CTNND2: variants seen among roughly 807,000 people sequenced by gnomAD.
CTNND2 encodes catenin delta-2.
A neutral mutation model predicts 144.4 loss-of-function variants in CTNND2; 22 were observed. That is an observed-to-expected ratio of 0.15 (90% CI 0.11 to 0.22). CTNND2 has a LOEUF of 0.22. CTNND2 is among the 10% of genes least tolerant of loss of function. The pLI, the probability that CTNND2 is intolerant of heterozygous loss-of-function variation, is 1.00. For synonymous variants in CTNND2, 751 were observed against 695.6 expected, an observed-to-expected ratio of 1.08 and a Z score of -1.25; for missense variants, 1,353 against 1,618.8, an observed-to-expected ratio of 0.84 and a Z score of 2.82.
chr5:11,670,770 T>C (rs1299741848), intron 2 of CTNND2, among the ~76,000 whole-genome samples: 2 of 152,224 alleles, frequency 1.3e-5, no homozygotes, highest in African/African-American at 4.8e-5. Flanking sequence ...ATTTATCTCG[T>C]TTATATTTAA....
chr5:11,228,376 A>AC (rs1243579180), intron 10 of CTNND2, among the ~76,000 whole-genome samples: 1 of 150,452 alleles, frequency 6.6e-6, no homozygotes, highest in East Asian at 2.0e-4. Flanking sequence ...AAAAAAAAAA[A>AC]AAACAAAGAA....
chr5:11,364,741 C>T lies in CTNND2; in HGVS notation c.1327G>A (p.Asp443Asn), dbSNP rs1756799115. Reference sequence around the variant, plus strand: ...CCGGTGTGTGCTGGCGGCAGAGGGTCCCCCTGGCTCTGGCTGAGACTCCTC... The same window carrying T: ...CCGGTGTGTGCTGGCGGCAGAGGGTTCCCCTGGCTCTGGCTGAGACTCCTC... ...PMRSLSQSQG[D>N]PLPPAHTGTY... Residue 443 changes from aspartate (D) to asparagine (N), a missense_variant, in exon 8 of 22, where the codon GAC becomes AAC. This residue lies in a region of CTNND2 where 708 missense variants were observed against 706.4 expected (regional missense o/e 1.00). Transcript: ENST00000304623. 6 of 1,613,526 alleles carry T rather than the reference C, an allele frequency of 3.7e-6. No individual in the cohort carries two copies. The highest frequency in any genetic ancestry group is 1.3e-5 in the African/African-American group (1 of 74,876).
In CTNND2 at chr5:11,779,637, A is replaced by G. The variant is rs147130677; in HGVS notation, c.38-47365T>C. Among the ~76,000 whole-genome samples, 17 of 152,296 alleles carry G rather than the reference A, an allele frequency of 1.1e-4. 1 individual carries two copies. The East Asian group carries it at 2.1e-3, about 19-fold the overall frequency. ...GTATTACAGCTTCTCCTGCACTTCA[A>G]ATATCTACCTTGGTTATATGAGGAG... On this transcript the variant is annotated intron_variant, in intron 1 of 21. Transcript: ENST00000304623.
chr5:11,738,472 T>C (rs1787822601), intron 1 of CTNND2, among the ~76,000 whole-genome samples: 1 of 152,174 alleles, frequency 6.6e-6, no homozygotes, highest in Non-Finnish European at 1.5e-5. Flanking sequence ...TAAATTTACA[T>C]TACACTTGGC....
At chr5:11,521,164 A>G (rs1487612102) in intron 3 of CTNND2, among the ~76,000 whole-genome samples, 1 of 152,178 alleles carries the variant, frequency 6.6e-6, no homozygotes, top group African/African-American at 2.4e-5. Context: ...AAATGACACT[A>G]AGTTTTTGTT....
In CTNND2 at chr5:10,988,049, T is replaced by C; in HGVS notation, c.3343+62A>G. On this transcript the variant is annotated intron_variant, in intron 20 of 21. Coordinates refer to ENST00000304623, the MANE Select transcript of CTNND2 (RefSeq NM_001332.4). The surrounding 1 kb of genome is among the most constrained non-coding windows in gnomAD (Gnocchi z 5.9). ...GCCCCGTGAAGCCTGATGTCCCATA[T>C]CTCTGCCTTGTCGCGGGTCAAGCCA... 4 of 1,606,786 alleles carry C rather than the reference T, an allele frequency of 2.5e-6. No individual in the cohort carries two copies. The highest frequency in any genetic ancestry group is 3.4e-6 in the Non-Finnish European group (4 of 1,176,320).
At chr5:11,117,365 T>C in intron 13 of CTNND2, 85 bp downstream of exon 13, 1 of 999,302 alleles carries the variant, frequency 1.0e-6, no homozygotes, top group Non-Finnish European at 1.6e-6. Context: ...AATACTGCAT[T>C]GGCTCTCCAG....
At chr5:11,225,250 C>T (rs1195703618) in intron 10 of CTNND2, among the ~76,000 whole-genome samples, 1 of 152,212 alleles carries the variant, frequency 6.6e-6, no homozygotes, top group Admixed American at 6.5e-5. Context: ...GCCACCTCTA[C>T]CAATGATAAT....
At chr5:11,004,905 G>C (rs1740326782) in intron 18 of CTNND2, among the ~76,000 whole-genome samples, 1 of 152,122 alleles carries the variant, frequency 6.6e-6, no homozygotes, top group Non-Finnish European at 1.5e-5. Flanking sequence ...TTAGTAAGTA[G>C]CTAGCACCAT....
chr5:11,078,583 T>C (rs1205061316), intron 16 of CTNND2, among the ~76,000 whole-genome samples: 4 of 152,050 alleles, frequency 2.6e-5, no homozygotes, highest in African/African-American at 9.7e-5. Flanking sequence ...GTCAAACCAA[T>C]CAATAGTTCA....
intron 9 of CTNND2, among the ~76,000 whole-genome samples, chr5:11,266,824 G>A (rs1745484707): frequency 6.6e-6 from 1 of 152,122 alleles, no homozygotes; most frequent in African/African-American, 2.4e-5. Context: ...ACTCTTCCAG[G>A]GAGATACAAA....
chr5:11,151,963 C>T (rs943902323), intron 12 of CTNND2, among the ~76,000 whole-genome samples: 1 of 152,034 alleles, frequency 6.6e-6, no homozygotes, highest in Non-Finnish European at 1.5e-5. Flanking sequence ...GAAGCTTTTT[C>T]GAACTTTTCC....
At chr5:11,623,449 T>C (rs1300492775) in intron 2 of CTNND2, among the ~76,000 whole-genome samples, 1 of 151,974 alleles carries the variant, frequency 6.6e-6, no homozygotes, top group Non-Finnish European at 1.5e-5. Flanking sequence ...CCGTGTAAGA[T>C]GTGCCTTTTG....
At chr5:11,508,680 G>A (rs995641210) in intron 3 of CTNND2, among the ~76,000 whole-genome samples, 4 of 152,168 alleles carry the variant, frequency 2.6e-5, no homozygotes, top group African/African-American at 9.7e-5. Context: ...GGGAGGCCGA[G>A]GTGGGTGGAT....
intron 10 of CTNND2, among the ~76,000 whole-genome samples, chr5:11,208,316 C>A (rs1187337023): frequency 6.6e-6 from 1 of 152,016 alleles, no homozygotes; most frequent in African/African-American, 2.4e-5. Flanking sequence ...ATCCAAAGCC[C>A]AGTAAATTTT....
Position 11,903,803 on chromosome 5 carries a change from G to T in CTNND2, c.37+14C>A. 6.8e-7 allele frequency: 1 copy of T among 1,479,816 alleles called. No individual in the cohort carries two copies. The highest frequency in any genetic ancestry group is 8.9e-7 in the Non-Finnish European group (1 of 1,122,134). The allele number at this position is 1,479,816 out of a possible 1,614,324, so 91.7% of individuals were successfully genotyped here. A position where few individuals can be genotyped will look rare whatever the true frequency, so the allele number is the denominator to read the frequency against. On this transcript the variant is annotated intron_variant, in intron 1 of 21. Transcript: ENST00000304623. This position sits in a 1 kb window ranked among gnomAD's most constrained non-coding sequence, Gnocchi z 5.4. ...GGCTGCGCCCGGCCCCGGCCGCCCA[G>T]CCCCGCAACTCACCCAAAGGCGCGG...
At chr5:11,885,617 G>A (rs995936825) in intron 1 of CTNND2, among the ~76,000 whole-genome samples, 2 of 152,142 alleles carry the variant, frequency 1.3e-5, no homozygotes, top group African/African-American at 2.4e-5. Context: ...TTTCAGCAAC[G>A]GACAGACAGA....
At chr5:11,341,246 A>C (rs1006343461) in intron 9 of CTNND2, among the ~76,000 whole-genome samples, 4 of 152,334 alleles carry the variant, frequency 2.6e-5, no homozygotes, top group African/African-American at 9.6e-5. Context: ...AAAGGTCAGA[A>C]ACAAGATCAG....
At chr5:11,464,474 T>G (rs2149940863) in intron 3 of CTNND2, among the ~76,000 whole-genome samples, 1 of 152,278 alleles carries the variant, frequency 6.6e-6, no homozygotes, top group South Asian at 2.1e-4. Flanking sequence ...GCAGCAGGAC[T>G]TAGACTTAGT....
Sources: allele counts gnomAD v4.1 joint callset (sites outside exome capture counted in the v4.1 genomes callset), GRCh38; gene constraint gnomAD v4.1.1; regional missense constraint gnomAD v4.1.1; non-coding constraint Gnocchi (gnomAD v3.1); transcripts MANE v1.5; gene names NCBI Gene and HGNC (gene_info 2026-07-23, HGNC 2026-07-21).